Variants in HTR1F observed in about 807,000 individuals in gnomAD.
HTR1F encodes 5-hydroxytryptamine receptor 1F.
In HTR1F, 17 loss-of-function variants were observed where a neutral mutation model predicts 24.0. That is an observed-to-expected ratio of 0.71 (90% CI 0.48 to 1.06). HTR1F has a LOEUF of 1.06. HTR1F is among the 50% of genes least tolerant of loss of function. The pLI is 0.00. For missense variants in HTR1F, 391 were observed against 427.8 expected, an observed-to-expected ratio of 0.91 and a Z score of 0.76; for synonymous variants, 186 against 156.8, an observed-to-expected ratio of 1.19 and a Z score of -1.39.
intron 2 of HTR1F, among the ~76,000 whole-genome samples, chr3:87,841,744 ACAAAAATTAGCCAGACGTG>A (rs1489521292): frequency 1.3e-5 from 2 of 151,392 alleles, no homozygotes; most frequent in Non-Finnish European, 2.9e-5. Context: ...TACTAAAAAT[ACAAAAATTAGCCAGACGTG>A]GTGGCGCGCT....
At chr3:87,880,676 G>GTGTA (rs1221980949) in intron 2 of HTR1F, among the ~76,000 whole-genome samples, 5 of 149,590 alleles carry the variant, frequency 3.3e-5, no homozygotes, top group Non-Finnish European at 7.4e-5. Flanking sequence ...GTGTGTGTGT[G>GTGTA]TATTGATGAG....
intron 2 of HTR1F, among the ~76,000 whole-genome samples, chr3:87,937,495 C>T (rs533140334): frequency 6.6e-6 from 1 of 152,096 alleles, no homozygotes; most frequent in Admixed American, 6.6e-5. Context: ...TATGACAAAC[C>T]CACAGCCAAC....
At chr3:87,937,975 A>AATAGGAAG (rs1174292462) in intron 2 of HTR1F, among the ~76,000 whole-genome samples, 3 of 152,052 alleles carry the variant, frequency 2.0e-5, no homozygotes, top group African/African-American at 7.2e-5. Flanking sequence ...GAAGGCATCA[A>AATAGGAAG]ATAGGAAGAG....
intron 1 of HTR1F, among the ~76,000 whole-genome samples, chr3:87,806,149 T>TC: frequency 6.6e-6 from 1 of 152,072 alleles, no homozygotes; most frequent in East Asian, 1.9e-4. Context: ...TTTTCTTTAT[T>TC]CATCCACTGA....
At chr3:87,871,242 G>A (rs977873301) in intron 2 of HTR1F, among the ~76,000 whole-genome samples, 1 of 151,828 alleles carries the variant, frequency 6.6e-6, no homozygotes. Context: ...ATAAATTCTG[G>A]AGCTGAAGAA....
chr3:87,850,124 T>C (rs1012861776), intron 2 of HTR1F, among the ~76,000 whole-genome samples: 30 of 151,992 alleles, frequency 2.0e-4, no homozygotes, highest in African/African-American at 6.5e-4. Context: ...ACCCAAAGGA[T>C]TATAAATCAT....
At chr3:87,827,668 G>T (rs1486720626) in intron 2 of HTR1F, among the ~76,000 whole-genome samples, 1 of 152,144 alleles carries the variant, frequency 6.6e-6, no homozygotes, top group Admixed American at 6.5e-5. Context: ...GAATTGGAAA[G>T]CAATGAAGCA....
In HTR1F at chr3:87,865,609, T is replaced by C. The variant is rs574718405; in HGVS notation, c.-43+43485T>C. On this transcript the variant is annotated intron_variant, in intron 2 of 2. Transcript: ENST00000319595. ...TGTGTCTAGTTTCTTTCTCCCAGCA[T>C]TGTATTTGTGAGAATCATAAAAATT... Among the ~76,000 whole-genome samples the C allele has an allele frequency of 1.9e-4, 29 of 152,296 alleles. No homozygotes were observed. The South Asian group carries it at 6.0e-3, about 32-fold the overall frequency.
At chr3:87,880,025 G>C (rs1267695857) in intron 2 of HTR1F, among the ~76,000 whole-genome samples, 1 of 151,950 alleles carries the variant, frequency 6.6e-6, no homozygotes, top group African/African-American at 2.4e-5. Context: ...GAGAGTTAAG[G>C]CTCAATAAAA....
intron 2 of HTR1F, among the ~76,000 whole-genome samples, chr3:87,871,423 G>C (rs760326951): frequency 2.0e-4 from 31 of 152,014 alleles, no homozygotes; most frequent in Non-Finnish European, 3.5e-4. Context: ...GTACTGTCAA[G>C]TGGGAAAATA....
At chr3:87,796,900 A>G (rs1274396230) in intron 1 of HTR1F, among the ~76,000 whole-genome samples, 2 of 152,192 alleles carry the variant, frequency 1.3e-5, no homozygotes, top group African/African-American at 4.8e-5. Flanking sequence ...GTTCACAGTT[A>G]CTCTTTGCAG....
intron 2 of HTR1F, among the ~76,000 whole-genome samples, chr3:87,924,963 T>C (rs1704089885): frequency 1.3e-5 from 2 of 152,314 alleles, no homozygotes; most frequent in East Asian, 1.9e-4. Context: ...AGGTTTACTA[T>C]ACTTTCTTAA....
intron 2 of HTR1F, among the ~76,000 whole-genome samples, chr3:87,846,130 T>TAA (rs1318364362): frequency 6.6e-6 from 1 of 151,894 alleles, no homozygotes; most frequent in Non-Finnish European, 1.5e-5. Context: ...CATAGTTATA[T>TAA]AAAACTATAA....
chr3:87,953,000 T>G (rs1292599059), intron 2 of HTR1F, among the ~76,000 whole-genome samples: 1 of 151,852 alleles, frequency 6.6e-6, no homozygotes, highest in Non-Finnish European at 1.5e-5. Context: ...ACAGAAATCA[T>G]GTAATCAATC....
chr3:87,954,009 A>C (rs1470549987), intron 2 of HTR1F, among the ~76,000 whole-genome samples: 1 of 151,792 alleles, frequency 6.6e-6, no homozygotes, highest in African/African-American at 2.4e-5. Context: ...AAAGAATAGA[A>C]TGATAGTTAC....
At chr3:87,798,624 C>T (rs1378288779) in intron 1 of HTR1F, among the ~76,000 whole-genome samples, 1 of 151,866 alleles carries the variant, frequency 6.6e-6, no homozygotes, top group Non-Finnish European at 1.5e-5. Flanking sequence ...TATTTCCTGT[C>T]ACCAGCTCCT....
chr3:87,797,629 A>T (rs1481588127), intron 1 of HTR1F, among the ~76,000 whole-genome samples: 1 of 152,030 alleles, frequency 6.6e-6, no homozygotes, highest in Non-Finnish European at 1.5e-5. Flanking sequence ...AGCTATTCAA[A>T]ACCCTAAATA....
At chr3:87,988,884 T>G (rs559200130) in intron 2 of HTR1F, among the ~76,000 whole-genome samples, 1 of 152,238 alleles carries the variant, frequency 6.6e-6, no homozygotes, top group East Asian at 1.9e-4. Flanking sequence ...TGGTTCAAGG[T>G]GTTTTATAAT....
chr3:87,893,647 A>G (rs1706132290), intron 2 of HTR1F, among the ~76,000 whole-genome samples: 1 of 152,224 alleles, frequency 6.6e-6, no homozygotes, highest in African/African-American at 2.4e-5. Context: ...TGCTAGTGCA[A>G]ATAACCTTAT....
Sources: gnomAD v4.1 joint callset for allele counts (sites outside exome capture counted in the v4.1 genomes callset) on GRCh38, gnomAD v4.1.1 for gene constraint, MANE v1.5 for transcripts, NCBI Gene and HGNC (gene_info 2026-07-23, HGNC 2026-07-21) for gene names.